Variants in TCF12 observed in about 807,000 individuals in gnomAD.
TCF12 encodes the protein transcription factor 12, also known as DNA-binding protein HTF4.
In TCF12, 45 loss-of-function variants were observed where a neutral mutation model predicts 86.0. That is an observed-to-expected ratio of 0.52 (90% confidence interval 0.41 to 0.67). The LOEUF (loss-of-function observed/expected upper bound fraction) is 0.67. TCF12 is among the 30% of genes least tolerant of loss of function. The pLI is 0.00. For missense variants in TCF12, 881 were observed against 859.9 expected (o/e 1.02, Z -0.31); for synonymous variants, 330 against 299.6 (o/e 1.10, Z -1.05).
chr15:57,153,413 G>C (rs773868605), intron 5 of TCF12, among the ~76,000 whole-genome samples: 2 of 152,172 alleles, frequency 1.3e-5, no homozygotes, highest in Non-Finnish European at 2.9e-5. Context: ...TACAAAAACA[G>C]GAAGCAGGCC....
intron 18 of TCF12, among the ~76,000 whole-genome samples, chr15:57,268,303 A>G (rs149250808): frequency 1.2e-4 from 19 of 152,344 alleles, no homozygotes; most frequent in Admixed American, 6.5e-4. Context: ...ACTGGGCTCG[A>G]TGATCTTTAA....
chr15:57,041,921 A>C (rs1435598376), intron 3 of TCF12, among the ~76,000 whole-genome samples: 1 of 152,198 alleles, frequency 6.6e-6, no homozygotes, highest in African/African-American at 2.4e-5. Context: ...TGACAGAAGA[A>C]GACATGATCA....
At chr15:57,253,223 C>G in intron 15 of TCF12, 39 bp from the exon 16 acceptor site, 1 of 1,605,072 alleles carries the variant, frequency 6.2e-7, no homozygotes, top group Non-Finnish European at 8.5e-7. Flanking sequence ...CTAACAGATG[C>G]CAGCAATAAC....
At chr15:57,049,869 A>G (rs187281123) in intron 3 of TCF12, among the ~76,000 whole-genome samples, 11 of 152,224 alleles carry the variant, frequency 7.2e-5, no homozygotes, top group East Asian at 1.9e-4. Flanking sequence ...TAACATTACT[A>G]TTTGTTTTCT....
chr15:57,007,832 CTTT>C (rs2064526230), intron 3 of TCF12, among the ~76,000 whole-genome samples: 1 of 142,196 alleles, frequency 7.0e-6, no homozygotes, highest in Non-Finnish European at 1.5e-5. Flanking sequence ...TTCTTTCTTT[CTTT>C]CTTTCTCTCT....
chr15:57,003,972 T>C (rs547046933), intron 3 of TCF12, among the ~76,000 whole-genome samples: 220 of 152,322 alleles, frequency 1.4e-3, no homozygotes, highest in African/African-American at 5.1e-3. Flanking sequence ...GCTTCTTACA[T>C]GGTAGTGCAT....
At chr15:57,188,140 AAAAAT>A (rs1409139970) in intron 6 of TCF12, among the ~76,000 whole-genome samples, 1 of 152,216 alleles carries the variant, frequency 6.6e-6, no homozygotes, top group Non-Finnish European at 1.5e-5. Flanking sequence ...GTAATAAACC[AAAAAT>A]AAAATTAAGA....
intron 3 of TCF12, among the ~76,000 whole-genome samples, chr15:56,927,163 G>A (rs1302744476): frequency 6.6e-6 from 1 of 152,172 alleles, no homozygotes; most frequent in Non-Finnish European, 1.5e-5. Flanking sequence ...TAAAGATGCT[G>A]AATTGTTTTT....
chr15:57,179,559 G>T (rs1353373780), intron 6 of TCF12, among the ~76,000 whole-genome samples: 1 of 152,006 alleles, frequency 6.6e-6, no homozygotes, highest in African/African-American at 2.4e-5. Flanking sequence ...TTAAAGATTG[G>T]GCTGATTTCG....
intron 16 of TCF12, among the ~76,000 whole-genome samples, 178 bp downstream of exon 16, chr15:57,253,646 T>C (rs2060218184): frequency 6.6e-6 from 1 of 152,226 alleles, no homozygotes. Flanking sequence ...TAAAATCTTC[T>C]TGTGACCTTG....
intron 5 of TCF12, among the ~76,000 whole-genome samples, chr15:57,119,442 C>T (rs576412414): frequency 1.0e-4 from 15 of 149,164 alleles, no homozygotes; most frequent in Non-Finnish European, 2.1e-4. Flanking sequence ...CATGAGCCAC[C>T]GTACCCGGTC....
At chr15:57,084,684 T>G (rs1056499910) in intron 4 of TCF12, among the ~76,000 whole-genome samples, 1 of 152,098 alleles carries the variant, frequency 6.6e-6, no homozygotes, top group Non-Finnish European at 1.5e-5. Context: ...AAAGACTAGC[T>G]TTTAAAAGAT....
At chr15:57,254,905 A>G (rs1282417429) in intron 16 of TCF12, among the ~76,000 whole-genome samples, 1 of 151,292 alleles carries the variant, frequency 6.6e-6, no homozygotes, top group Non-Finnish European at 1.5e-5. Flanking sequence ...ATGAGAGGGT[A>G]TTGTTATCAC....
chr15:56,955,303 A>G (rs933801043), intron 3 of TCF12, among the ~76,000 whole-genome samples: 1 of 152,174 alleles, frequency 6.6e-6, no homozygotes. Flanking sequence ...TCACAAGAAC[A>G]GAAAACCAAA....
At chr15:57,059,013 T>C (rs1434408491) in intron 3 of TCF12, among the ~76,000 whole-genome samples, 1 of 152,204 alleles carries the variant, frequency 6.6e-6, no homozygotes, top group African/African-American at 2.4e-5. Context: ...ATTCATAGCT[T>C]TGATTATCTG....
chr15:57,149,785 T>C (rs1337741127), intron 5 of TCF12, among the ~76,000 whole-genome samples: 1 of 152,228 alleles, frequency 6.6e-6, no homozygotes, highest in Non-Finnish European at 1.5e-5. Context: ...CTTTGTTTGT[T>C]GGAAAGTCTG....
intron 12 of TCF12, among the ~76,000 whole-genome samples, chr15:57,240,192 A>G (rs1459487742): frequency 2.0e-5 from 3 of 152,198 alleles, no homozygotes; most frequent in African/African-American, 7.2e-5. Flanking sequence ...CTGTACATTG[A>G]ACCCTCACCA....
chr15:57,129,395 T>C lies in TCF12; in HGVS notation c.326-37007T>C, dbSNP rs185122844. 1.8e-4 allele frequency among the ~76,000 whole-genome samples: 28 copies of C among 152,240 alleles called. No homozygotes were observed. In the East Asian group the frequency reaches 4.6e-3, roughly 25 times the overall value. Reference sequence around the variant, plus strand: ...GGGCAACATTGCAAAACCCCATCTCTAGAAAAATTATCCAGGTTTAGTGGC... The same window carrying C: ...GGGCAACATTGCAAAACCCCATCTCCAGAAAAATTATCCAGGTTTAGTGGC... On this transcript the variant is annotated intron_variant, in intron 5 of 20. Coordinates refer to ENST00000333725, the MANE Select transcript of TCF12 (RefSeq NM_207037.2).
chr15:57,185,507 A>G (rs1278142066), intron 6 of TCF12, among the ~76,000 whole-genome samples: 2 of 152,236 alleles, frequency 1.3e-5, no homozygotes, highest in South Asian at 4.1e-4. Flanking sequence ...AGAAAGCAGA[A>G]GAAGAAAGGA....
Sources: gnomAD v4.1 joint callset for allele counts (sites outside exome capture counted in the v4.1 genomes callset) on GRCh38, gnomAD v4.1.1 for gene constraint, MANE v1.5 for transcripts, NCBI Gene and HGNC (gene_info 2026-07-23, HGNC 2026-07-21) for gene names.